BICDL1: variants seen among roughly 807,000 people sequenced by gnomAD.
BICDL1 encodes the protein BICD family like cargo adaptor 1.
A neutral mutation model predicts 76.8 loss-of-function variants in BICDL1; 20 were observed. The observed-to-expected ratio is 0.26, with a 90% confidence interval of 0.18 to 0.38. BICDL1 has a LOEUF of 0.38. Among genes scored for constraint, BICDL1 ranks in the 10% least tolerant of loss-of-function variants. The probability of loss-of-function intolerance (pLI) is 1.00; values close to 1 mark genes in which losing one functional copy is unlikely to be tolerated. For missense variants in BICDL1, 700 were observed against 798.6 expected (o/e 0.88, Z 1.49); for synonymous variants, 383 against 337.1 (o/e 1.14, Z -1.49).
intron 2 of BICDL1, among the ~76,000 whole-genome samples, chr12:120,020,524 C>A (rs1232361213): frequency 6.6e-6 from 1 of 151,980 alleles, no homozygotes; most frequent in Admixed American, 6.6e-5. Context: ...CCAGGAGCAA[C>A]CTTTTTTTTT....
chr12:120,092,152 G>A (rs565566157), intron 9 of BICDL1: 1 of 985,394 alleles, frequency 1.0e-6, no homozygotes, highest in Admixed American at 6.1e-5. Flanking sequence ...TTGTCAAATG[G>A]AGTCTTACCC....
chr12:120,066,134 A>C lies in BICDL1; in HGVS notation c.909+1255A>C, dbSNP rs527783936. On this transcript the variant is annotated intron_variant, in intron 4 of 9. Coordinates refer to ENST00000548673, the MANE Select transcript of BICDL1 (RefSeq NM_001367886.1). The stretch of plus-strand genomic sequence containing the variant: ...CAGGGTGCTTTTAGCATACATCATA[A>C]AGCTGAAATTGAGAAAAACTGAATC... 9.8e-5 allele frequency among the ~76,000 whole-genome samples: 15 copies of C among 152,330 alleles called. No homozygotes were observed. The South Asian group carries it at 2.7e-3, about 27-fold the overall frequency.
At chr12:120,046,475 C>T (rs1952752180) in intron 2 of BICDL1, among the ~76,000 whole-genome samples, 1 of 152,214 alleles carries the variant, frequency 6.6e-6, no homozygotes, top group Non-Finnish European at 1.5e-5. Flanking sequence ...AAACACTTTA[C>T]ATATATTTAT....
At chr12:120,067,966 C>T (rs1872777450) in intron 4 of BICDL1, among the ~76,000 whole-genome samples, 1 of 152,238 alleles carries the variant, frequency 6.6e-6, no homozygotes, top group Non-Finnish European at 1.5e-5. Flanking sequence ...GCTTGCCAAT[C>T]CTTTCTTCAT....
chr12:120,084,567 C>T (rs932489100), intron 8 of BICDL1, among the ~76,000 whole-genome samples: 2 of 152,114 alleles, frequency 1.3e-5, no homozygotes, highest in Admixed American at 6.5e-5. Flanking sequence ...AATAATATGA[C>T]ACACATTTTA....
intron 2 of BICDL1, among the ~76,000 whole-genome samples, chr12:120,042,831 T>C: frequency 6.6e-6 from 1 of 150,382 alleles, no homozygotes; most frequent in East Asian, 2.0e-4. Context: ...ACGAAGAACC[T>C]AAGTCAGAGG....
At chr12:120,025,136 GC>G (rs1055994239) in intron 2 of BICDL1, among the ~76,000 whole-genome samples, 7 of 147,516 alleles carry the variant, frequency 4.7e-5, no homozygotes, top group African/African-American at 1.8e-4. Flanking sequence ...TGCAGGCTCC[GC>G]CCCCTGGGGT....
chr12:120,085,433 C>T (rs1372111824), intron 8 of BICDL1, among the ~76,000 whole-genome samples: 2 of 152,108 alleles, frequency 1.3e-5, no homozygotes, highest in Non-Finnish European at 2.9e-5. Context: ...ATAGAGGAGG[C>T]AGCATACCTT....
At chr12:120,072,108 C>G (rs1873153479) in intron 5 of BICDL1, among the ~76,000 whole-genome samples, 1 of 152,254 alleles carries the variant, frequency 6.6e-6, no homozygotes, top group African/African-American at 2.4e-5. Flanking sequence ...GCCATCAGCT[C>G]CATACCTGTT....
intron 2 of BICDL1, among the ~76,000 whole-genome samples, chr12:120,007,649 A>G (rs575670949): frequency 6.3e-4 from 96 of 152,346 alleles, no homozygotes; most frequent in African/African-American, 2.1e-3. Context: ...AGCTGAAACT[A>G]ATCTTCTCTG....
intron 2 of BICDL1, among the ~76,000 whole-genome samples, chr12:120,044,789 A>G (rs1417451053): frequency 6.6e-6 from 1 of 152,180 alleles, no homozygotes; most frequent in African/African-American, 2.4e-5. Context: ...TACCAGTACC[A>G]TGCTGTTTTG....
intron 2 of BICDL1, among the ~76,000 whole-genome samples, chr12:120,032,531 T>C (rs956268161): frequency 6.6e-6 from 1 of 152,224 alleles, no homozygotes; most frequent in Admixed American, 6.5e-5. Flanking sequence ...GAAGTCACTA[T>C]CATTTATATG....
chr12:120,025,291 C>T (rs1488119401), intron 2 of BICDL1, among the ~76,000 whole-genome samples: 1 of 152,066 alleles, frequency 6.6e-6, no homozygotes, highest in Non-Finnish European at 1.5e-5. Context: ...ACCTCGTGAT[C>T]CGCCCTCCTT....
At chr12:120,072,880 T>G in intron 6 of BICDL1, 151 bp downstream of exon 6, 1 of 747,090 alleles carries the variant, frequency 1.3e-6, no homozygotes, top group Non-Finnish European at 2.1e-6. Flanking sequence ...TGTTTTGGAT[T>G]TTGTTTTTGA....
At chr12:120,029,688 T>A (rs111847497) in intron 2 of BICDL1, among the ~76,000 whole-genome samples, 2,661 of 152,194 alleles carry the variant, frequency 0.017, 73 homozygotes, top group African/African-American at 0.06. Context: ...TGAGACAGAG[T>A]CTTGCTTTGT....
chr12:120,057,119 G>A (rs1372192139), intron 2 of BICDL1: 1 of 521,324 alleles, frequency 1.9e-6, no homozygotes, highest in Non-Finnish European at 3.8e-6. Flanking sequence ...ATATTTAGAG[G>A]ACATTATCAT....
At chr12:120,028,993 C>T (rs1042596063) in intron 2 of BICDL1, among the ~76,000 whole-genome samples, 3 of 152,156 alleles carry the variant, frequency 2.0e-5, no homozygotes, top group Non-Finnish European at 2.9e-5. Flanking sequence ...AATTGGAGGG[C>T]AACTAACTTA....
In BICDL1 at chr12:120,094,390, T is replaced by C. The variant is rs913810738; in HGVS notation, c.*1229T>C. 1 of 403,108 alleles carries C rather than the reference T, an allele frequency of 2.5e-6. No individual in the cohort carries two copies. The highest frequency in any genetic ancestry group is 2.1e-5 in the African/African-American group (1 of 48,238). The allele number at this position is 403,108 out of a possible 1,614,324, so 25.0% of individuals were successfully genotyped here. ...CATGTAAATACATGTATGGATTTTA[T>C]AATATACATATATAAAAATCTATAA... is the stretch of plus-strand genomic sequence containing the variant. On this transcript the variant is annotated 3_prime_UTR_variant, in exon 10 of 10. Coordinates refer to ENST00000548673, the MANE Select transcript of BICDL1 (RefSeq NM_001367886.1).
intron 7 of BICDL1, among the ~76,000 whole-genome samples, chr12:120,077,737 C>A (rs2138971553): frequency 6.6e-6 from 1 of 152,322 alleles, no homozygotes; most frequent in South Asian, 2.1e-4. Flanking sequence ...ATTTCAAGAC[C>A]TGCATCCTTT....
Sources: allele counts gnomAD v4.1 joint callset (sites outside exome capture counted in the v4.1 genomes callset), GRCh38; gene constraint gnomAD v4.1.1; transcripts MANE v1.5; gene names NCBI Gene and HGNC (gene_info 2026-07-23, HGNC 2026-07-21).